The following HDX variants were observed in gnomAD, a reference collection of about 807,000 sequenced individuals.
HDX encodes highly divergent homeobox.
In HDX, 19 loss-of-function variants were observed where a neutral mutation model predicts 45.2. The observed-to-expected ratio is 0.42, with a 90% CI of 0.29 to 0.62. HDX has a LOEUF of 0.62. Among genes scored for constraint, HDX ranks in the 20% least tolerant of loss-of-function variants. HDX has a pLI of 0.20. For synonymous variants in HDX, 188 were observed against 172.8 expected (o/e 1.09, Z -0.69); for missense variants, 532 against 493.9 (o/e 1.08, Z -0.73).
intron 5 of HDX, among the ~76,000 whole-genome samples, chrX:84,369,651 A>C (rs1418559949): frequency 4.5e-5 from 5 of 111,894 alleles, no homozygotes; most frequent in African/African-American, 1.3e-4. Flanking sequence ...AATTGGTGTG[A>C]GGTGAAATCT....
At chrX:84,406,519 TAC>T (rs199742769) in intron 5 of HDX, among the ~76,000 whole-genome samples, 7,343 of 64,579 alleles carry the variant, frequency 0.11, 303 homozygotes, top group African/African-American at 0.23. Flanking sequence ...CACACACACA[TAC>T]ACACACACAC....
intron 7 of HDX, among the ~76,000 whole-genome samples, chrX:84,337,621 C>A (rs1282599433): frequency 9.0e-6 from 1 of 111,259 alleles, no homozygotes; most frequent in Non-Finnish European, 1.9e-5. Context: ...AGACACACTC[C>A]TGTATATATG....
intron 1 of HDX, among the ~76,000 whole-genome samples, chrX:84,489,008 T>C (rs190414233): frequency 9.0e-6 from 1 of 111,396 alleles, no homozygotes; most frequent in African/African-American, 3.3e-5. Flanking sequence ...GGTTTTGTTG[T>C]TTTTCATTAG....
chrX:84,476,598 G>GAAAAAGAAAAGAAAAAA lies in HDX; in HGVS notation c.1-1202_1-1201insTTTTTTCTTTTCTTTTT, dbSNP rs1165142146. Among the ~76,000 whole-genome samples, 917 of 101,222 alleles carry GAAAAAGAAAAGAAAAAA rather than the reference G, an allele frequency of 9.1e-3. 19 individuals are homozygous for GAAAAAGAAAAGAAAAAA. The highest frequency in any genetic ancestry group is 0.032 in the African/African-American group (897 of 27,628). The allele number at this position is 101,222 out of a possible 115,157, so 87.9% of individuals were successfully genotyped here. A position where few individuals can be genotyped will look rare whatever the true frequency, so the allele number is the denominator to read the frequency against. Reference sequence around the variant, plus strand: ...AAAGAAAGGAAGGAAGGAAGGAAGGGGAAAAGAAAAGAAAAAAGAAAAGAG... The same window carrying GAAAAAGAAAAGAAAAAA: ...AAAGAAAGGAAGGAAGGAAGGAAGGGAAAAAGAAAAGAAAAAAGAAAAGAAAAGAAAAAAGAAAAGAG... On this transcript the variant is annotated intron_variant, in intron 2 of 10. Transcript: ENST00000373177.
At chrX:84,498,985 C>T (rs1055033362) in intron 1 of HDX, among the ~76,000 whole-genome samples, 4 of 111,270 alleles carry the variant, frequency 3.6e-5, no homozygotes, top group African/African-American at 9.8e-5. Flanking sequence ...TTGACTGTGA[C>T]GTATAGTAGC....
At chrX:84,342,604 T>C (rs1454966347) in intron 7 of HDX, among the ~76,000 whole-genome samples, 3 of 110,638 alleles carry the variant, frequency 2.7e-5, no homozygotes, top group Non-Finnish European at 5.7e-5. Flanking sequence ...TGGTAAAAGA[T>C]GAGTTATTCA....
Position 84,434,789 on chromosome X carries a change from C to T in HDX, c.1305+5743G>A, listed in dbSNP as rs138653805. ...GTGTGGTAGAATTCAGTGATGAAGCCATTCAATCCTGGACTTTTATTTTTT... is the reference window on the plus strand; with the variant it reads ...GTGTGGTAGAATTCAGTGATGAAGCTATTCAATCCTGGACTTTTATTTTTT... On this transcript the variant is annotated intron_variant, in intron 5 of 10. Coordinates refer to ENST00000373177, the MANE Select transcript of HDX (RefSeq NM_001177479.2). 7.2e-3 allele frequency among the ~76,000 whole-genome samples: 804 copies of T among 111,408 alleles called. 1 individual carries two copies. Among genetic ancestry groups the T allele is most frequent in the Non-Finnish European group, 0.012 (638 of 52,934 alleles).
In HDX at chrX:84,404,537, G is replaced by C. The variant is rs189592039; in HGVS notation, c.1305+35995C>G. Among the ~76,000 whole-genome samples the C allele has an allele frequency of 3.0e-3, 334 of 111,373 alleles. 1 individual carries two copies. Among genetic ancestry groups the C allele is most frequent in the African/African-American group, 0.011 (329 of 30,757 alleles). On this transcript the variant is annotated intron_variant, in intron 5 of 10. Transcript: ENST00000373177. ...TCAATTCAATATGTTTAAAGGTAAAGGTTCAGAAGTGTATTAAGTGTTTTA... is the reference window on the plus strand; with the variant it reads ...TCAATTCAATATGTTTAAAGGTAAACGTTCAGAAGTGTATTAAGTGTTTTA...
chrX:84,397,251 G>A (rs2038588434), intron 5 of HDX, among the ~76,000 whole-genome samples: 1 of 111,968 alleles, frequency 8.9e-6, no homozygotes, highest in African/African-American at 3.2e-5. Flanking sequence ...GTGGGTAGGG[G>A]ATGTCAGTGA....
At chrX:84,466,383 A>G (rs1462585055) in intron 4 of HDX, among the ~76,000 whole-genome samples, 2 of 111,917 alleles carry the variant, frequency 1.8e-5, no homozygotes, top group African/African-American at 6.5e-5. Flanking sequence ...CACAAAGAGG[A>G]TAAGCCACTG....
intron 2 of HDX, among the ~76,000 whole-genome samples, chrX:84,483,676 T>C (rs990882008): frequency 1.2e-4 from 14 of 112,740 alleles, no homozygotes; most frequent in African/African-American, 4.5e-4. Context: ...TGATTAGCAT[T>C]TGGCTCCTTG....
At chrX:84,452,109 A>G (rs2040010450) in intron 4 of HDX, among the ~76,000 whole-genome samples, 1 of 111,537 alleles carries the variant, frequency 9.0e-6, no homozygotes, top group Admixed American at 9.5e-5. Flanking sequence ...CTGGAAGAAG[A>G]TAAGCATGCC....
At chrX:84,400,691 T>C (rs1405004509) in intron 5 of HDX, among the ~76,000 whole-genome samples, 1 of 110,962 alleles carries the variant, frequency 9.0e-6, no homozygotes, top group East Asian at 2.8e-4. Flanking sequence ...TTCACAGAAA[T>C]AGAAAAACTA....
intron 8 of HDX, 21 bp from the exon 9 acceptor site, chrX:84,333,863 T>A: frequency 1.5e-6 from 1 of 672,650 alleles, no homozygotes; most frequent in South Asian, 2.5e-5. Flanking sequence ...AGTAGAGAAG[T>A]TACAAATATA....
At chrX:84,466,356 G>A (rs970898182) in intron 4 of HDX, among the ~76,000 whole-genome samples, 3 of 111,260 alleles carry the variant, frequency 2.7e-5, no homozygotes, top group East Asian at 5.7e-4. Context: ...CACATTATAC[G>A]AATAAAGAGA....
chrX:84,473,273 T>C (rs991606372), intron 3 of HDX, among the ~76,000 whole-genome samples: 1 of 100,005 alleles, frequency 1.0e-5, no homozygotes, highest in Non-Finnish European at 2.0e-5. Context: ...AAAAGAAAAA[T>C]GCAATGAATA....
chrX:84,440,701 T>TC (rs2039741920), intron 4 of HDX, 116 bp from the exon 5 acceptor site: 1 of 446,632 alleles, frequency 2.2e-6, no homozygotes. Context: ...CAGAACATAT[T>TC]CCCCACGTAT....
chrX:84,475,033 T>C (rs1265055436), intron 3 of HDX, among the ~76,000 whole-genome samples: 2 of 111,595 alleles, frequency 1.8e-5, no homozygotes, highest in Non-Finnish European at 3.8e-5. Flanking sequence ...AAAAAGATGT[T>C]TACGCTGCAA....
chrX:84,323,971 C>G (rs1258187272), intron 10 of HDX, among the ~76,000 whole-genome samples: 3 of 112,385 alleles, frequency 2.7e-5, no homozygotes, highest in Non-Finnish European at 5.7e-5. Context: ...ATCCCACTTG[C>G]AAAGTGGAGA....
Sources: gnomAD v4.1 joint callset for allele counts (sites outside exome capture counted in the v4.1 genomes callset) on GRCh38, gnomAD v4.1.1 for gene constraint, MANE v1.5 for transcripts, NCBI Gene and HGNC (gene_info 2026-07-23, HGNC 2026-07-21) for gene names.